The following KIF21A variants were observed in gnomAD, a reference collection of about 807,000 sequenced individuals.
KIF21A encodes kinesin family member 21A.
Under a neutral mutation model 202.9 loss-of-function variants are expected in KIF21A, and 114 were observed. The observed-to-expected ratio is 0.56, with a 90% CI of 0.48 to 0.66. The LOEUF is 0.66. Ranked by LOEUF, KIF21A falls within the 30% of genes least tolerant of loss-of-function variation. The pLI, the probability that KIF21A is intolerant of heterozygous loss-of-function variation, is 0.00. For synonymous variants in KIF21A, 667 were observed against 670.8 expected (o/e 0.99, Z 0.09); for missense variants, 1,677 against 1,994.9 (o/e 0.84, Z 3.04).
intron 1 of KIF21A, among the ~76,000 whole-genome samples, chr12:39,430,200 AC>A (rs1431152270): frequency 2.3e-4 from 35 of 151,866 alleles, no homozygotes; most frequent in African/African-American, 7.7e-4. Flanking sequence ...AAAAAAAAAA[AC>A]AACCTTAAAA....
chr12:39,362,471 A>G (rs544417978), intron 7 of KIF21A, among the ~76,000 whole-genome samples: 4 of 152,280 alleles, frequency 2.6e-5, no homozygotes, highest in Admixed American at 2.6e-4. Context: ...TAAAGCCAAC[A>G]TATTTACAGA....
chr12:39,416,704 T>TATATGTGTATATATATGTAC lies in KIF21A; in HGVS notation c.44+26222_44+26223insGTACATATATATACACATAT, dbSNP rs1566267241. ...ATATGTGTGTATATATATATGTACA[T>TATATGTGTATATATATGTAC]ATATATGTGTGTATATATGTACATA... On this transcript the variant is annotated intron_variant, in intron 1 of 37. Transcript: ENST00000361418. Among the ~76,000 whole-genome samples the TATATGTGTATATATATGTAC allele has an allele frequency of 2.8e-4, 26 of 93,692 alleles. 3 individuals carry two copies. Among genetic ancestry groups the TATATGTGTATATATATGTAC allele is most frequent in the African/African-American group, 1.6e-3 (24 of 15,280 alleles). 61.5% of individuals were successfully genotyped at this position (93,692 alleles called of 152,430 possible). A position where few individuals can be genotyped will look rare whatever the true frequency, so the allele number is the denominator to read the frequency against.
intron 3 of KIF21A, 80 bp downstream of exon 3, chr12:39,369,649 G>A (rs1348540410): frequency 9.5e-6 from 10 of 1,055,942 alleles, no homozygotes; most frequent in African/African-American, 1.6e-5. Context: ...CACTATACTT[G>A]AAGCCAACAG....
intron 37 of KIF21A, 101 bp downstream of exon 37, chr12:39,301,376 TAAG>T (rs1329734041): frequency 1.8e-5 from 17 of 941,804 alleles, no homozygotes; most frequent in Non-Finnish European, 2.4e-5. Context: ...AGAATGATTA[TAAG>T]AAGGATTTTG....
At position 39,356,630 on chromosome 12, in the gene KIF21A, G is replaced by T. The variant is rs113010345; in HGVS notation, c.1469+202C>A. Reference sequence around the variant, plus strand: ...AGCAGTAAGAGTAGGAGAATAATATGGGAAGAGAAAGGAGGAAAACAGCTT... The same window carrying T: ...AGCAGTAAGAGTAGGAGAATAATATTGGAAGAGAAAGGAGGAAAACAGCTT... On this transcript the variant is annotated intron_variant, in intron 10 of 37. Transcript: ENST00000361418. The T allele has an allele frequency of 5.7e-3, 2,512 of 444,270 alleles. 20 individuals carry two copies. Among genetic ancestry groups the T allele is most frequent in the African/African-American group, 0.019 (922 of 49,140 alleles). 27.5% of individuals were successfully genotyped at this position (444,270 alleles called of 1,614,324 possible). A position where few individuals can be genotyped will look rare whatever the true frequency, so the allele number is the denominator to read the frequency against.
intron 17 of KIF21A, among the ~76,000 whole-genome samples, chr12:39,335,811 A>T (rs1382630220): frequency 6.6e-6 from 1 of 152,192 alleles, no homozygotes; most frequent in Non-Finnish European, 1.5e-5. Flanking sequence ...TGACAAATAC[A>T]CTGATTATTA....
chr12:39,438,169 T>G (rs1939081303), intron 1 of KIF21A, among the ~76,000 whole-genome samples: 2 of 152,162 alleles, frequency 1.3e-5, no homozygotes, highest in African/African-American at 4.8e-5. Flanking sequence ...AGGATTTTAA[T>G]GTAGAGCCAA....
chr12:39,426,611 G>A (rs1037308883), intron 1 of KIF21A, among the ~76,000 whole-genome samples: 16 of 151,816 alleles, frequency 1.1e-4, no homozygotes, highest in Admixed American at 5.9e-4. Flanking sequence ...GGTGGCTCAC[G>A]CCTGTAATCC....
At chr12:39,360,787 T>A (rs1592331198) in intron 7 of KIF21A, among the ~76,000 whole-genome samples, 1 of 152,338 alleles carries the variant, frequency 6.6e-6, no homozygotes, top group Non-Finnish European at 1.5e-5. Flanking sequence ...ACACTGTAAA[T>A]GTAAAAAAAC....
intron 1 of KIF21A, among the ~76,000 whole-genome samples, chr12:39,411,947 G>A (rs749683145): frequency 1.4e-4 from 21 of 151,968 alleles, no homozygotes; most frequent in Admixed American, 3.3e-4. Context: ...AGATTCTCCT[G>A]CCTCAGCCTG....
rs3036323 is a variant in KIF21A at position 39,387,161 on chromosome 12, T to TACACACACACAC, written c.45-16912_45-16901dup. 2.7e-3 allele frequency among the ~76,000 whole-genome samples: 371 copies of TACACACACACAC among 138,234 alleles called. 4 individuals are homozygous for TACACACACACAC. Among genetic ancestry groups the TACACACACACAC allele is most frequent in the African/African-American group, 9.2e-3 (340 of 36,938 alleles). 90.7% of individuals were successfully genotyped at this position (138,234 alleles called of 152,430 possible). ...TGAGTTTTTGAAAGCATGCAGTAGT[T>TACACACACACAC]ACACACACACACACACACACACACA... On this transcript the variant is annotated intron_variant, in intron 1 of 37. Coordinates refer to ENST00000361418, the MANE Select transcript of KIF21A (RefSeq NM_001173464.2).
At chr12:39,379,097 T>C (rs192524079) in intron 1 of KIF21A, among the ~76,000 whole-genome samples, 539 of 152,158 alleles carry the variant, frequency 3.5e-3, no homozygotes, top group Non-Finnish European at 4.9e-3. Context: ...TTTGGGAGGC[T>C]GAGGCAGGCG....
Position 39,326,256 on chromosome 12 carries a change from C to T in KIF21A, c.3401+8G>A. The stretch of plus-strand genomic sequence containing the variant: ...AGTCAACTCTATTGTTTCTAAAGGC[C>T]TTCTTACCTTCCTTCTGATCCTGGG... On this transcript the variant is annotated splice_region_variant and intron_variant, in intron 25 of 37. Coordinates refer to ENST00000361418, the MANE Select transcript of KIF21A (RefSeq NM_001173464.2). The T allele has an allele frequency of 6.3e-7, 1 of 1,596,182 alleles. No individual in the cohort carries two copies. The highest frequency in any genetic ancestry group is 1.1e-5 in the South Asian group (1 of 90,682).
intron 1 of KIF21A, among the ~76,000 whole-genome samples, chr12:39,416,831 A>G (rs952129485): frequency 2.8e-5 from 4 of 142,986 alleles, no homozygotes; most frequent in African/African-American, 1.0e-4. Context: ...ATGTACATAT[A>G]TGTGTATATA....
chr12:39,332,854 C>A, intron 19 of KIF21A, 39 bp downstream of exon 19: 1 of 1,609,600 alleles, frequency 6.2e-7, no homozygotes, highest in Non-Finnish European at 8.5e-7. Flanking sequence ...GTATTAACGG[C>A]CAAGAAGATT....
intron 6 of KIF21A, among the ~76,000 whole-genome samples, chr12:39,365,840 T>C (rs1003837203): frequency 3.9e-5 from 6 of 151,942 alleles, no homozygotes; most frequent in Non-Finnish European, 5.9e-5. Context: ...CAAAACCCCA[T>C]CTCTACAAAA....
At chr12:39,310,685 A>G (rs1426633385) in intron 32 of KIF21A, among the ~76,000 whole-genome samples, 4 of 152,014 alleles carry the variant, frequency 2.6e-5, no homozygotes, top group Admixed American at 2.0e-4. Context: ...AAACCATCCT[A>G]TACGGTACTT....
chr12:39,358,349 G>C lies in KIF21A; in HGVS notation c.1044C>G (p.Val348=). The change falls in exon 8 of 38, where the codon GTC becomes GTG. Residue 348 remains valine, a synonymous_variant. Transcript: ENST00000361418. ...GNSQTIMIAC[V]SPSDRDFMET... The stretch of plus-strand genomic sequence containing the variant: ...CCATAAAGTCTCTGTCTGAAGGGCT[G>C]ACACATGCTATCATGATTGTTTGGC... 3 of 1,614,022 alleles carry C rather than the reference G, an allele frequency of 1.9e-6. No individual in the cohort carries two copies. Among genetic ancestry groups the C allele is most frequent in the Non-Finnish European group, 2.5e-6 (3 of 1,179,928 alleles).
intron 12 of KIF21A, among the ~76,000 whole-genome samples, 183 bp from the exon 13 acceptor site, chr12:39,342,307 A>G (rs763777292): frequency 1.3e-5 from 2 of 152,210 alleles, no homozygotes; most frequent in Non-Finnish European, 2.9e-5. Context: ...CAATCAATCA[A>G]CAGTGTAATG....
Sources: allele counts gnomAD v4.1 joint callset (sites outside exome capture counted in the v4.1 genomes callset), GRCh38; gene constraint gnomAD v4.1.1; transcripts MANE v1.5; gene names NCBI Gene and HGNC (gene_info 2026-07-23, HGNC 2026-07-21).